The following PPP4R3B variants were observed in gnomAD, a reference collection of about 807,000 sequenced individuals.
The protein encoded by PPP4R3B is protein phosphatase 4 regulatory subunit 3B.
Under a neutral mutation model 95.4 loss-of-function variants are expected in PPP4R3B, and 52 were observed. That is an observed-to-expected ratio of 0.54 (90% CI 0.44 to 0.69). The LOEUF (loss-of-function observed/expected upper bound fraction) is 0.69, where lower values mean the gene tolerates loss of function less well. Among genes scored for constraint, PPP4R3B ranks in the 30% least tolerant of loss-of-function variants. PPP4R3B has a pLI of 0.00. For synonymous variants in PPP4R3B, 407 were observed against 343.9 expected (o/e 1.18, Z -2.03); for missense variants, 1,003 against 1,005.9 (o/e 1.00, Z 0.04).
intron 2 of PPP4R3B, among the ~76,000 whole-genome samples, chr2:55,605,880 T>G (rs1431135595): frequency 7.3e-6 from 1 of 137,390 alleles, no homozygotes; most frequent in African/African-American, 2.8e-5. Context: ...CACTCCAGCC[T>G]GGCAACAGTG....
intron 4 of PPP4R3B, among the ~76,000 whole-genome samples, chr2:55,591,874 T>C (rs900693809): frequency 6.6e-6 from 1 of 152,208 alleles, no homozygotes; most frequent in Admixed American, 6.5e-5. Flanking sequence ...ACTTAAAGCC[T>C]ATCATATAGT....
chr2:55,575,825 T>C (rs1688594973), intron 11 of PPP4R3B, among the ~76,000 whole-genome samples: 1 of 152,242 alleles, frequency 6.6e-6, no homozygotes, highest in Admixed American at 6.5e-5. Context: ...GTACAACTAT[T>C]TTATTTGAGA....
At chr2:55,605,936 G>T (rs1291398025) in intron 2 of PPP4R3B, among the ~76,000 whole-genome samples, 2 of 148,820 alleles carry the variant, frequency 1.3e-5, no homozygotes, top group Admixed American at 6.7e-5. Context: ...AAATCCTTCA[G>T]TTTCTCTCAT....
At chr2:55,569,530 C>T (rs1687724592) in intron 12 of PPP4R3B, among the ~76,000 whole-genome samples, 1 of 152,158 alleles carries the variant, frequency 6.6e-6, no homozygotes, top group African/African-American at 2.4e-5. Flanking sequence ...AGTGAAAGTA[C>T]TAAAAGTCTA....
chr2:55,589,492 C>T (rs533915710), intron 4 of PPP4R3B, among the ~76,000 whole-genome samples: 17 of 152,262 alleles, frequency 1.1e-4, no homozygotes, highest in African/African-American at 3.1e-4. Flanking sequence ...CACGTTCTTG[C>T]GGTCCCCAAG....
chr2:55,576,859 G>T (rs1411687254), intron 11 of PPP4R3B, among the ~76,000 whole-genome samples: 4 of 152,168 alleles, frequency 2.6e-5, no homozygotes, highest in Non-Finnish European at 5.9e-5. Flanking sequence ...ATTTGATGAG[G>T]CTGGCAGAAA....
At position 55,580,524 on chromosome 2, in the gene PPP4R3B, A is replaced by G. The variant is rs556860044; in HGVS notation, c.1366-743T>C. ...AATTAAGCCCATGTGATAGCAACTT[A>G]ACTACCTAAAATTTGGAACCCCAGA... On this transcript the variant is annotated intron_variant, in intron 8 of 16. Coordinates refer to ENST00000616407, the MANE Select transcript of PPP4R3B (RefSeq NM_001122964.3). Among the ~76,000 whole-genome samples the G allele has an allele frequency of 1.4e-3, 216 of 152,338 alleles. 1 individual carries two copies. The highest frequency in any genetic ancestry group is 3.4e-3 in the Middle Eastern group (1 of 294).
At chr2:55,561,164 G>A (rs2103885284) in intron 15 of PPP4R3B, among the ~76,000 whole-genome samples, 3 of 152,214 alleles carry the variant, frequency 2.0e-5, no homozygotes, top group African/African-American at 7.2e-5. Context: ...GTACAGCTTG[G>A]GCCATGGCTT....
intron 2 of PPP4R3B, among the ~76,000 whole-genome samples, chr2:55,611,824 G>A (rs1694203814): frequency 6.6e-6 from 1 of 151,972 alleles, no homozygotes; most frequent in African/African-American, 2.4e-5. Context: ...GACCTCCGAA[G>A]CTCAAATGAT....
chr2:55,550,202 T>C (rs553701060), intron 16 of PPP4R3B, among the ~76,000 whole-genome samples, 196 bp from the exon 17 acceptor site: 2 of 152,316 alleles, frequency 1.3e-5, no homozygotes, highest in South Asian at 4.1e-4. Context: ...CAGTAACCCT[T>C]AACTTTTCTA....
chr2:55,600,426 CAAAAAAAA>C (rs60764774), intron 3 of PPP4R3B, among the ~76,000 whole-genome samples: 109 of 22,174 alleles, frequency 4.9e-3, no homozygotes, highest in African/African-American at 0.016. Flanking sequence ...AACTCTGTCT[CAAAAAAAA>C]AAAAAAAAAA....
chr2:55,585,001 A>T, intron 7 of PPP4R3B, 50 bp downstream of exon 7: 1 of 1,278,470 alleles, frequency 7.8e-7, no homozygotes, highest in Non-Finnish European at 1.1e-6. Flanking sequence ...GTTTGCAAAC[A>T]CTACTCACTC....
chr2:55,552,688 C>CTTTAAT (rs1685386741), intron 16 of PPP4R3B, among the ~76,000 whole-genome samples: 1 of 152,180 alleles, frequency 6.6e-6, no homozygotes, highest in South Asian at 2.1e-4. Flanking sequence ...TCATCATATA[C>CTTTAAT]TTTAATTCCT....
chr2:55,586,602 G>C lies in PPP4R3B; in HGVS notation c.1116+16C>G, dbSNP rs1482479481. 3.4e-6 allele frequency: 5 copies of C among 1,466,536 alleles called. No homozygotes were observed. Among genetic ancestry groups the C allele is most frequent in the Non-Finnish European group, 4.7e-6 (5 of 1,062,688 alleles). The allele number at this position is 1,466,536 out of a possible 1,614,324, so 90.8% of individuals were successfully genotyped here. A position where few individuals can be genotyped will look rare whatever the true frequency, so the allele number is the denominator to read the frequency against. On this transcript the variant is annotated intron_variant, in intron 6 of 16. Coordinates refer to ENST00000616407, the MANE Select transcript of PPP4R3B (RefSeq NM_001122964.3). Reference sequence around the variant, plus strand: ...ATTTACAATTTCAAAAACATGAAAAGAAACGGCATAATTACCATTACAATT... The same window carrying C: ...ATTTACAATTTCAAAAACATGAAAACAAACGGCATAATTACCATTACAATT...
chr2:55,612,798 T>C (rs1694355395), intron 2 of PPP4R3B, among the ~76,000 whole-genome samples: 2 of 151,720 alleles, frequency 1.3e-5, no homozygotes, highest in Admixed American at 1.3e-4. Context: ...ACAAAAAAAT[T>C]AACTGGGCGT....
Position 55,615,530 on chromosome 2 carries a change from C to T in PPP4R3B, c.143-24G>A, listed in dbSNP as rs141760101. On this transcript the variant is annotated intron_variant, in intron 1 of 16. Coordinates refer to ENST00000616407, the MANE Select transcript of PPP4R3B (RefSeq NM_001122964.3). Reference sequence around the variant, plus strand: ...TCCTGAAAGATAAAAAATAATACATCATAAGTCTCAAATGATAAAACCCTG... The same window carrying T: ...TCCTGAAAGATAAAAAATAATACATTATAAGTCTCAAATGATAAAACCCTG... The T allele has an allele frequency of 5.1e-5, 76 of 1,483,514 alleles. 2 individuals are homozygous for T. In the East Asian group the frequency reaches 7.5e-4, roughly 15 times the overall value. The allele number at this position is 1,483,514 out of a possible 1,614,324, so 91.9% of individuals were successfully genotyped here. A position where few individuals can be genotyped will look rare whatever the true frequency, so the allele number is the denominator to read the frequency against.
At chr2:55,593,917 T>C (rs560404864) in intron 4 of PPP4R3B, among the ~76,000 whole-genome samples, 1 of 152,144 alleles carries the variant, frequency 6.6e-6, no homozygotes, top group Non-Finnish European at 1.5e-5. Context: ...CACCTAAGTG[T>C]CTACCAACAG....
chr2:55,558,375 C>T (rs1255065433), intron 16 of PPP4R3B, among the ~76,000 whole-genome samples: 1 of 151,972 alleles, frequency 6.6e-6, no homozygotes, highest in Non-Finnish European at 1.5e-5. Context: ...TTTGAGAGGC[C>T]GAGGTGGGCG....
At chr2:55,570,011 T>A (rs142147072) in intron 12 of PPP4R3B, among the ~76,000 whole-genome samples, 8 of 152,198 alleles carry the variant, frequency 5.3e-5, no homozygotes, top group Non-Finnish European at 1.0e-4. Flanking sequence ...AAAAAAACAT[T>A]TGTGCTGAGG....
Sources: gnomAD v4.1 joint callset for allele counts (sites outside exome capture counted in the v4.1 genomes callset) on GRCh38, gnomAD v4.1.1 for gene constraint, MANE v1.5 for transcripts, NCBI Gene and HGNC (gene_info 2026-07-23, HGNC 2026-07-21) for gene names.